MCCC1: variants seen among roughly 807,000 people sequenced by gnomAD.
The protein encoded by MCCC1 is methylcrotonyl-CoA carboxylase subunit 1.
Under a neutral mutation model 83.8 loss-of-function variants are expected in MCCC1, and 64 were observed. The ratio of observed to expected loss-of-function variants is 0.76; its 90% CI spans 0.62 to 0.94. The LOEUF (loss-of-function observed/expected upper bound fraction) is 0.94. Among genes scored for constraint, MCCC1 ranks in the 40% least tolerant of loss-of-function variants. The pLI, the probability that MCCC1 is intolerant of heterozygous loss-of-function variation, is 0.00. For missense variants in MCCC1, 807 were observed against 904.7 expected (o/e 0.89, Z 1.39); for synonymous variants, 322 against 315.4 (o/e 1.02, Z -0.22).
At chr3:183,105,508 A>G (rs1719388569) in intron 1 of MCCC1, among the ~76,000 whole-genome samples, 2 of 152,256 alleles carry the variant, frequency 1.3e-5, no homozygotes, top group Non-Finnish European at 2.9e-5. Context: ...TAGGAGAAAG[A>G]AAATTCCCAT....
intron 13 of MCCC1, among the ~76,000 whole-genome samples, chr3:183,036,946 T>C (rs1212707071): frequency 2.0e-4 from 30 of 152,190 alleles, no homozygotes; most frequent in African/African-American, 6.7e-4. Flanking sequence ...GTGCTGGGAT[T>C]ACAGACGTGA....
Position 183,092,467 on chromosome 3 carries a change from C to A in MCCC1, c.215G>T (p.Gly72Val). ...CRVMRTAKKL[G>V]VQTVAVYSEA... The stretch of plus-strand genomic sequence containing the variant: ...ACTATAAACCGCCACAGTCTGTACA[C>A]CCAGTTTTTTGGCTGTGCGCATCAC... Residue 72 changes from glycine (G) to valine (V), a missense_variant, in exon 3 of 19, where the codon GGT (glycine) becomes GTT (valine). Transcript: ENST00000265594. 1 of 1,614,204 alleles carries A rather than the reference C, an allele frequency of 6.2e-7. No individual in the cohort carries two copies. The highest frequency in any genetic ancestry group is 8.5e-7 in the Non-Finnish European group (1 of 1,180,038).
At chr3:183,041,476 T>A (rs900928562) in intron 11 of MCCC1, 91 bp downstream of exon 11, 14 of 1,341,984 alleles carry the variant, frequency 1.0e-5, no homozygotes, top group African/African-American at 2.9e-5. Flanking sequence ...GCTAGACAGT[T>A]CTGTAAGACT....
At chr3:183,055,545 C>T (rs572061776) in intron 8 of MCCC1, among the ~76,000 whole-genome samples, 5 of 152,292 alleles carry the variant, frequency 3.3e-5, no homozygotes, top group Admixed American at 6.5e-5. Flanking sequence ...AGCATAATTA[C>T]GTATCTTTGT....
intron 12 of MCCC1, among the ~76,000 whole-genome samples, chr3:183,038,283 G>T (rs1713791259): frequency 6.6e-6 from 1 of 152,214 alleles, no homozygotes; most frequent in Admixed American, 6.5e-5. Context: ...GGGGCAGCCT[G>T]GGAAAGGGCT....
chr3:183,026,737 A>G (rs1441105709), intron 14 of MCCC1, among the ~76,000 whole-genome samples: 1 of 152,168 alleles, frequency 6.6e-6, no homozygotes, highest in Non-Finnish European at 1.5e-5. Context: ...ATGAATTGGT[A>G]AAGAGAAGTT....
chr3:183,048,768 T>C (rs1226317961), intron 9 of MCCC1, among the ~76,000 whole-genome samples: 3 of 152,190 alleles, frequency 2.0e-5, no homozygotes, highest in Non-Finnish European at 4.4e-5. Context: ...CTGTCATCTA[T>C]AGACTATTTC....
chr3:183,052,045 A>T, intron 9 of MCCC1, 114 bp downstream of exon 9: 1 of 902,498 alleles, frequency 1.1e-6, no homozygotes. Context: ...CTTACTGTGA[A>T]TATGGTCAAA....
At chr3:183,111,138 C>T (rs1459719362) in intron 1 of MCCC1, among the ~76,000 whole-genome samples, 1 of 152,302 alleles carries the variant, frequency 6.6e-6, no homozygotes, top group African/African-American at 2.4e-5. Context: ...TCTCCTGGAA[C>T]AGGCAAACTC....
intron 13 of MCCC1, among the ~76,000 whole-genome samples, chr3:183,035,442 A>G (rs961518484): frequency 6.6e-6 from 1 of 152,178 alleles, no homozygotes; most frequent in Admixed American, 6.5e-5. Context: ...GGATCCTATA[A>G]TAATACGGGT....
intron 4 of MCCC1, 108 bp downstream of exon 4, chr3:183,086,585 T>C (rs1465334577): frequency 4.3e-6 from 4 of 932,020 alleles, no homozygotes; most frequent in Non-Finnish European, 6.8e-6. Context: ...AATAATCAAA[T>C]GTAAAGATCT....
chr3:183,020,641 AT>A (rs1205744082), intron 16 of MCCC1, among the ~76,000 whole-genome samples: 1 of 152,018 alleles, frequency 6.6e-6, no homozygotes, highest in East Asian at 1.9e-4. Context: ...AAAAAAAAAA[AT>A]AAATTAGTCA....
chr3:183,110,543 G>A (rs186271865), intron 1 of MCCC1, among the ~76,000 whole-genome samples: 3,384 of 152,024 alleles, frequency 0.022, 57 homozygotes, highest in Middle Eastern at 0.038. Context: ...ACAGGCGCCC[G>A]CCACTACGCC....
chr3:183,085,057 C>G (rs1012558298), intron 4 of MCCC1, among the ~76,000 whole-genome samples: 2 of 152,130 alleles, frequency 1.3e-5, no homozygotes, highest in Non-Finnish European at 2.9e-5. Context: ...AAACAAAGCA[C>G]TAATTAAGTA....
At chr3:183,099,540 C>T (rs937652), upstream of MCCC1, 2 of 1,430,472 alleles carry the variant, frequency 1.4e-6, no homozygotes, top group Admixed American at 2.0e-5. Flanking sequence ...TGACCCCCGC[C>T]GGCCACCGTC....
At chr3:183,034,317 G>C (rs775379373) in intron 13 of MCCC1, among the ~76,000 whole-genome samples, 1 of 152,030 alleles carries the variant, frequency 6.6e-6, no homozygotes, top group Non-Finnish European at 1.5e-5. Context: ...TGGGCATGGT[G>C]ACGGGCGCCT....
intron 8 of MCCC1, among the ~76,000 whole-genome samples, chr3:183,052,656 GA>G: frequency 6.9e-6 from 1 of 145,016 alleles, no homozygotes; most frequent in Middle Eastern, 3.6e-3. Flanking sequence ...AAAATACAAA[GA>G]AAATTAGCCA....
chr3:183,051,508 T>G (rs1028258811), intron 9 of MCCC1, among the ~76,000 whole-genome samples: 26 of 151,956 alleles, frequency 1.7e-4, no homozygotes, highest in Non-Finnish European at 2.5e-4. Context: ...CTGCCGGGGT[T>G]TAGGGGGGAT....
intron 9 of MCCC1, among the ~76,000 whole-genome samples, chr3:183,050,950 T>C (rs1204260295): frequency 6.6e-6 from 1 of 152,184 alleles, no homozygotes; most frequent in African/African-American, 2.4e-5. Flanking sequence ...CAACACTGTA[T>C]GTCATTAGGG....
Sources: allele counts gnomAD v4.1 joint callset (sites outside exome capture counted in the v4.1 genomes callset), GRCh38; gene constraint gnomAD v4.1.1; transcripts MANE v1.5; gene names NCBI Gene and HGNC (gene_info 2026-07-23, HGNC 2026-07-21).